COL24A1: variants seen among roughly 807,000 people sequenced by gnomAD.
COL24A1 encodes the protein collagen alpha-1(XXIV) chain.
A neutral mutation model predicts 253.9 loss-of-function variants in COL24A1; 224 were observed. The observed-to-expected ratio is 0.88, with a 90% CI of 0.79 to 0.99. COL24A1 has a LOEUF of 0.99. Among genes scored for constraint, COL24A1 ranks in the 50% least tolerant of loss-of-function variants. COL24A1 has a pLI of 0.00. For missense variants in COL24A1, 2,131 were observed against 2,068.5 expected (o/e 1.03, Z -0.59); for synonymous variants, 685 against 673.7 (o/e 1.02, Z -0.26).
At chr1:86,154,078 A>C (rs1258751549) in intron 1 of COL24A1, 1 of 152,032 alleles carries the variant, frequency 6.6e-6, no homozygotes, top group Admixed American at 6.6e-5. Context: ...TTCATCAGAG[A>C]CTCTAAGGTT....
intron 28 of COL24A1, 76 bp from the exon 29 acceptor site, chr1:85,896,485 G>T: frequency 8.1e-7 from 1 of 1,233,174 alleles, no homozygotes; most frequent in South Asian, 1.3e-5. Flanking sequence ...TGTCCTCACA[G>T]ATGAACATGT....
chr1:86,029,799 G>A, intron 14 of COL24A1: 1 of 151,584 alleles, frequency 6.6e-6, no homozygotes, highest in East Asian at 1.9e-4. Flanking sequence ...CATTTTTTCA[G>A]CTTTATTTTT....
intron 5 of COL24A1, among the ~76,000 whole-genome samples, chr1:86,108,859 C>G (rs1002907694): frequency 1.3e-5 from 2 of 151,488 alleles, no homozygotes; most frequent in South Asian, 4.2e-4. Flanking sequence ...CTTGCCACTG[C>G]AGATTGAGAG....
chr1:85,877,619 T>G (rs948401050), intron 32 of COL24A1, among the ~76,000 whole-genome samples: 3 of 152,318 alleles, frequency 2.0e-5, no homozygotes, highest in Non-Finnish European at 2.9e-5. Flanking sequence ...TGCCTCAGCC[T>G]CCCAAAGTGC....
chr1:85,836,197 C>G (rs1310406073), intron 43 of COL24A1, among the ~76,000 whole-genome samples: 1 of 152,062 alleles, frequency 6.6e-6, no homozygotes, highest in African/African-American at 2.4e-5. Flanking sequence ...TGAAGGCTCC[C>G]GTGTTACGTA....
At chr1:85,919,379 C>T (rs975949383) in intron 24 of COL24A1, among the ~76,000 whole-genome samples, 2 of 152,088 alleles carry the variant, frequency 1.3e-5, no homozygotes, top group Non-Finnish European at 1.5e-5. Context: ...GATGGAGCCA[C>T]AAGAAAGAGG....
chr1:85,891,152 G>A (rs912272480), intron 31 of COL24A1, among the ~76,000 whole-genome samples: 15 of 150,838 alleles, frequency 9.9e-5, no homozygotes, highest in Admixed American at 2.6e-4. Flanking sequence ...CTGGGTTCAC[G>A]CCGTTCTCCT....
chr1:85,884,559 G>C (rs1394185613), intron 32 of COL24A1, among the ~76,000 whole-genome samples: 1 of 152,048 alleles, frequency 6.6e-6, no homozygotes, highest in Non-Finnish European at 1.5e-5. Flanking sequence ...TCTACAATTA[G>C]GTCTCAGTCT....
At chr1:86,007,418 A>C (rs1035479452) in intron 19 of COL24A1, among the ~76,000 whole-genome samples, 1 of 152,204 alleles carries the variant, frequency 6.6e-6, no homozygotes, top group African/African-American at 2.4e-5. Context: ...AGTTTATTAC[A>C]AAACTAAACA....
At chr1:85,786,598 TC>T in intron 47 of COL24A1, 137 bp from the exon 48 acceptor site, 1 of 518,064 alleles carries the variant, frequency 1.9e-6, no homozygotes, top group Non-Finnish European at 3.2e-6. Context: ...TGGGCTTCTT[TC>T]CCAGAAGATG....
At chr1:86,060,128 G>T (rs1021666508) in intron 8 of COL24A1, among the ~76,000 whole-genome samples, 1 of 152,042 alleles carries the variant, frequency 6.6e-6, no homozygotes, top group Non-Finnish European at 1.5e-5. Context: ...AGACCCAAAG[G>T]CTTAAGAAAG....
chr1:86,035,636 A>G (rs955817902), intron 12 of COL24A1, among the ~76,000 whole-genome samples: 2 of 152,130 alleles, frequency 1.3e-5, no homozygotes, highest in Non-Finnish European at 2.9e-5. Flanking sequence ...TGAAAATGTT[A>G]TAAAATCAGA....
rs143597403 is a variant in COL24A1 at position 85,734,826 on chromosome 1, C to T, written c.4921G>A (p.Gly1641Ser). 4,333 of 1,614,118 alleles carry T rather than the reference C, an allele frequency of 2.7e-3. 13 individuals carry two copies. The highest frequency in any genetic ancestry group is 3.4e-3 in the Non-Finnish European group (3,958 of 1,180,022). ...TQTSGPGLPIGFKGWNGQIFK... is the reference protein window; with the variant it reads ...TQTSGPGLPISFKGWNGQIFK... ...ATCTGGCCATTCCATCCCTTGAAAC[C>T]AATAGGCAATCCTGGGCCACTTGTT... Residue 1641 changes from glycine to serine, a missense_variant, in exon 59 of 60, where the codon GGT becomes AGT. By Grantham distance (56) the Gly-to-Ser change is moderately conservative. Coordinates refer to ENST00000370571, the MANE Select transcript of COL24A1 (RefSeq NM_152890.7).
chr1:85,957,302 A>C (rs1187013558), intron 24 of COL24A1, among the ~76,000 whole-genome samples: 2 of 152,162 alleles, frequency 1.3e-5, no homozygotes, highest in Non-Finnish European at 2.9e-5. Flanking sequence ...GCACATGTAT[A>C]CCTATGTAAC....
rs547750006 is a variant in COL24A1, at chr1:85,816,433, C to T, written c.3951+355G>A. 3.7e-4 allele frequency among the ~76,000 whole-genome samples: 56 copies of T among 152,246 alleles called. 1 individual carries two copies. The highest frequency in any genetic ancestry group is 1.3e-3 in the African/African-American group (56 of 41,550). On this transcript the variant is annotated intron_variant, in intron 47 of 59. Coordinates refer to ENST00000370571, the MANE Select transcript of COL24A1 (RefSeq NM_152890.7). ...TCACAGAACCTACCTTGAGTTACTG[C>T]CAAGACCTAAATGTTCCAAAGGTGG...
rs565845403 is a variant in COL24A1, at chr1:86,048,494, A to ATT, written c.1906-1627_1906-1626dup. Among the ~76,000 whole-genome samples, 291 of 144,526 alleles carry ATT rather than the reference A, an allele frequency of 2.0e-3. 1 individual carries two copies. The highest frequency in any genetic ancestry group is 0.01 in the East Asian group (50 of 4,948). The allele number at this position is 144,526 out of a possible 152,430, so 94.8% of individuals were successfully genotyped here. On this transcript the variant is annotated intron_variant, in intron 11 of 59. Transcript: ENST00000370571. Reference sequence around the variant, plus strand: ...TATTTATATGTTAAGACAGGTCTTGATTTTTTTTTTTTTTGAGATGGAGTC... The same window carrying ATT: ...TATTTATATGTTAAGACAGGTCTTGATTTTTTTTTTTTTTTTGAGATGGAGTC...
chr1:85,828,564 C>G (rs1215212432), intron 43 of COL24A1, among the ~76,000 whole-genome samples: 3 of 151,354 alleles, frequency 2.0e-5, no homozygotes, highest in Non-Finnish European at 4.4e-5. Flanking sequence ...GTCTAAGTCT[C>G]TTTGCAGGTC....
At chr1:86,059,790 G>A (rs1429727822) in intron 8 of COL24A1, among the ~76,000 whole-genome samples, 1 of 152,132 alleles carries the variant, frequency 6.6e-6, no homozygotes, top group Non-Finnish European at 1.5e-5. Flanking sequence ...ACAGCATTAG[G>A]AGGTGGCTCT....
intron 5 of COL24A1, among the ~76,000 whole-genome samples, chr1:86,101,335 G>A (rs1704435640): frequency 6.6e-6 from 1 of 152,096 alleles, no homozygotes; most frequent in Non-Finnish European, 1.5e-5. Context: ...CTGCAAACAA[G>A]GATAGTTTGA....
Sources: gnomAD v4.1 joint callset for allele counts (sites outside exome capture counted in the v4.1 genomes callset) on GRCh38, gnomAD v4.1.1 for gene constraint, MANE v1.5 for transcripts, NCBI Gene and HGNC (gene_info 2026-07-23, HGNC 2026-07-21) for gene names.